Variants in FAM3B observed in about 807,000 individuals in gnomAD.
FAM3B encodes FAM3 metabolism regulating signaling molecule B.
Under a neutral mutation model 28.4 loss-of-function variants are expected in FAM3B, and 29 were observed. The ratio of observed to expected loss-of-function variants is 1.02; its 90% CI spans 0.76 to 1.39. FAM3B has a LOEUF of 1.39. Among genes scored for constraint, FAM3B ranks in the 40% most tolerant of loss-of-function variants. The pLI, the probability that FAM3B is intolerant of heterozygous loss-of-function variation, is 0.00. For synonymous variants in FAM3B, 91 were observed against 103.0 expected, an observed-to-expected ratio of 0.88 and a Z score of 0.71; for missense variants, 266 against 293.9, an observed-to-expected ratio of 0.91 and a Z score of 0.69.
chr21:41,307,349 G>GA (rs1335859894), intron 1 of FAM3B, among the ~76,000 whole-genome samples: 1 of 152,204 alleles, frequency 6.6e-6, no homozygotes, highest in African/African-American at 2.4e-5. Flanking sequence ...TTGGCTTGAG[G>GA]AAATATCATG....
intron 2 of FAM3B, among the ~76,000 whole-genome samples, chr21:41,334,147 A>C (rs1178834976): frequency 6.6e-6 from 1 of 152,260 alleles, no homozygotes; most frequent in Non-Finnish European, 1.5e-5. Flanking sequence ...AATTATATTT[A>C]AAGGGGAAGC....
Position 41,348,644 on chromosome 21 carries a change from A to G in FAM3B, c.538A>G (p.Arg180Gly). The G allele has an allele frequency of 6.2e-7, 1 of 1,614,272 alleles. No homozygotes were observed. The change falls in exon 7 of 8, where the codon AGG becomes GGG. Residue 180 changes from arginine to glycine, a missense_variant. Arg to Gly is a moderately radical substitution (Grantham distance 125). Coordinates refer to ENST00000357985, the MANE Select transcript of FAM3B (RefSeq NM_058186.4). ...AGAAGCACTTGGAAGTAAAGAAATC[A>G]GGAACATGAAATTCAGGTCTAGCTG... ...AIEALGSKEI[R>G]NMKFRSSWVF...
chr21:41,337,726 G>A (rs2088967425), intron 2 of FAM3B, among the ~76,000 whole-genome samples: 1 of 151,846 alleles, frequency 6.6e-6, no homozygotes, highest in African/African-American at 2.4e-5. Context: ...GGTATGGTGT[G>A]CATGCGTGTG....
At chr21:41,353,893 C>T (rs900601639) in intron 7 of FAM3B, among the ~76,000 whole-genome samples, 3 of 152,012 alleles carry the variant, frequency 2.0e-5, no homozygotes, top group African/African-American at 7.2e-5. Flanking sequence ...TTGCAAAGTA[C>T]GCATCTAACA....
chr21:41,304,451 C>G (rs940097008), intron 1 of FAM3B: 2 of 359,672 alleles, frequency 5.6e-6, no homozygotes, highest in Admixed American at 3.7e-5. Flanking sequence ...TTCCCACGTG[C>G]CCAGGCACCT....
chr21:41,308,098 G>T (rs2088691107), intron 1 of FAM3B, among the ~76,000 whole-genome samples: 1 of 152,172 alleles, frequency 6.6e-6, no homozygotes, highest in African/African-American at 2.4e-5. Flanking sequence ...TACATAACTT[G>T]TTTCTAAATC....
chr21:41,345,635 C>A, intron 4 of FAM3B, 51 bp from the exon 5 acceptor site: 2 of 1,126,866 alleles, frequency 1.8e-6, no homozygotes, highest in Non-Finnish European at 2.5e-6. Flanking sequence ...GCCACAAGTG[C>A]GCCCTAGTTC....
chr21:41,331,455 G>C (rs2088904973), intron 2 of FAM3B, among the ~76,000 whole-genome samples: 1 of 152,028 alleles, frequency 6.6e-6, no homozygotes, highest in South Asian at 2.1e-4. Flanking sequence ...AATTCCCTTT[G>C]CCTGTTTTTG....
At chr21:41,333,593 T>A (rs2088926816) in intron 2 of FAM3B, among the ~76,000 whole-genome samples, 1 of 152,238 alleles carries the variant, frequency 6.6e-6, no homozygotes, top group African/African-American at 2.4e-5. Context: ...GTACAGCCTG[T>A]GGAATCGTGA....
intron 1 of FAM3B, among the ~76,000 whole-genome samples, chr21:41,304,810 G>A (rs1568906628): frequency 6.6e-6 from 1 of 152,186 alleles, no homozygotes; most frequent in African/African-American, 2.4e-5. Context: ...GTGCCAGTAG[G>A]AACGTTCCCT....
chr21:41,343,380 A>G (rs1458573220), intron 3 of FAM3B, among the ~76,000 whole-genome samples: 1 of 152,198 alleles, frequency 6.6e-6, no homozygotes, highest in African/African-American at 2.4e-5. Context: ...TTTAACAACA[A>G]CAGCAACAAC....
chr21:41,323,286 T>C (rs1601352633), intron 2 of FAM3B, among the ~76,000 whole-genome samples: 1 of 152,170 alleles, frequency 6.6e-6, no homozygotes. Context: ...TGGCTTCTGG[T>C]TACCAGCACA....
At chr21:41,323,460 G>A (rs993859420) in intron 2 of FAM3B, among the ~76,000 whole-genome samples, 1 of 152,200 alleles carries the variant, frequency 6.6e-6, no homozygotes, top group Non-Finnish European at 1.5e-5. Flanking sequence ...GGAAGCAAAA[G>A]CTAGTAATTG....
chr21:41,311,539 T>C (rs1257386850), intron 1 of FAM3B, among the ~76,000 whole-genome samples: 1 of 151,912 alleles, frequency 6.6e-6, no homozygotes, highest in African/African-American at 2.4e-5. Flanking sequence ...CATTGCCTGT[T>C]AACATAAACA....
intron 7 of FAM3B, among the ~76,000 whole-genome samples, chr21:41,354,872 A>T (rs975472666): frequency 2.0e-5 from 3 of 152,234 alleles, no homozygotes; most frequent in Non-Finnish European, 2.9e-5. Flanking sequence ...GCTTCAAATG[A>T]TACCTTATAG....
intron 5 of FAM3B, chr21:41,346,145 C>G (rs1175499608): frequency 3.0e-5 from 5 of 167,742 alleles, no homozygotes; most frequent in African/African-American, 9.7e-5. Context: ...CTCTGCTGGG[C>G]TCAGGGCAAG....
intron 1 of FAM3B, chr21:41,319,318 G>A (rs2088780424): frequency 6.6e-6 from 1 of 152,330 alleles, no homozygotes; most frequent in East Asian, 1.9e-4. Context: ...CACGCTAGAG[G>A]TGAGTCTCTT....
chr21:41,325,677 T>C (rs1428755342), intron 2 of FAM3B, among the ~76,000 whole-genome samples: 1 of 152,218 alleles, frequency 6.6e-6, no homozygotes, highest in African/African-American at 2.4e-5. Flanking sequence ...AAACGGTCAC[T>C]ATGGTTTCTT....
At chr21:41,330,504 T>C (rs1282765808) in intron 2 of FAM3B, among the ~76,000 whole-genome samples, 1 of 152,246 alleles carries the variant, frequency 6.6e-6, no homozygotes, top group Non-Finnish European at 1.5e-5. Context: ...GTAGTCACCA[T>C]GATGTGCAAT....
Sources: allele counts gnomAD v4.1 joint callset (sites outside exome capture counted in the v4.1 genomes callset), GRCh38; gene constraint gnomAD v4.1.1; transcripts MANE v1.5; gene names NCBI Gene and HGNC (gene_info 2026-07-23, HGNC 2026-07-21).